NRG1: variants seen among roughly 807,000 people sequenced by gnomAD.
NRG1 encodes neuregulin 1, also known as pro-neuregulin-1, membrane-bound isoform.
NRG1 carries 18 observed loss-of-function variants against 63.8 expected under a neutral mutation model. That is an observed-to-expected ratio of 0.28 (90% CI 0.19 to 0.42). The LOEUF (loss-of-function observed/expected upper bound fraction) is 0.42. Ranked by LOEUF, NRG1 falls within the 10% of genes least tolerant of loss-of-function variation. The pLI is 1.00. For missense variants in NRG1, 762 were observed against 814.7 expected, an observed-to-expected ratio of 0.94 and a Z score of 0.79; for synonymous variants, 302 against 301.3, an observed-to-expected ratio of 1.00 and a Z score of -0.02.
intron 1 of NRG1, among the ~76,000 whole-genome samples, chr8:32,536,883 A>C (rs1361092807): frequency 4.2e-5 from 5 of 117,878 alleles, no homozygotes; most frequent in African/African-American, 6.6e-5. Flanking sequence ...GAGATGCGCC[A>C]CTGCCCTCCA....
At chr8:32,701,100 G>A (rs910122037) in intron 5 of NRG1, among the ~76,000 whole-genome samples, 1 of 152,200 alleles carries the variant, frequency 6.6e-6, no homozygotes, top group Non-Finnish European at 1.5e-5. Context: ...TCCAGAAGTC[G>A]GGTCCTGTTC....
At position 32,280,680 on chromosome 8, in the gene NRG1, G is replaced by GTTTTTT. The variant is rs1235833561; in HGVS notation, c.38-315143_38-315138dup. On this transcript the variant is annotated intron_variant, in intron 1 of 10. Coordinates refer to the NRG1 transcript ENST00000519301. ...GGTGTCTTTCATGCAACTGAATTAG[G>GTTTTTT]TTTTTTTTTTGTTTTTTTTTTTTTT... Among the ~76,000 whole-genome samples the GTTTTTT allele has an allele frequency of 7.1e-4, 38 of 53,748 alleles. 2 individuals carry two copies. The highest frequency in any genetic ancestry group is 1.6e-3 in the African/African-American group (23 of 14,376). 35.3% of individuals were successfully genotyped at this position (53,748 alleles called of 152,430 possible).
At position 32,754,317 on chromosome 8, in the gene NRG1, C is replaced by T. The variant is rs757783422; in HGVS notation, c.692-55C>T. On this transcript the variant is annotated intron_variant, in intron 7 of 11. Transcript: ENST00000356819. ...AGCATGCCCACTGTTTGGTTGTAGT[C>T]AGTCCTGGCAAGTGGAAGTGACCTG... 5.4e-6 allele frequency: 8 copies of T among 1,491,724 alleles called. No individual in the cohort carries two copies. The East Asian group carries it at 1.8e-4, about 34-fold the overall frequency. 92.4% of individuals were successfully genotyped at this position (1,491,724 alleles called of 1,614,324 possible). A position where few individuals can be genotyped will look rare whatever the true frequency, so the allele number is the denominator to read the frequency against.
At chr8:31,849,116 A>T (rs1043845014) in intron 1 of NRG1, among the ~76,000 whole-genome samples, 21 of 152,198 alleles carry the variant, frequency 1.4e-4, no homozygotes, top group Non-Finnish European at 5.9e-5. Flanking sequence ...AACCAGTGAT[A>T]ATCTATATGC....
At chr8:31,875,082 G>A (rs1305733936) in intron 1 of NRG1, among the ~76,000 whole-genome samples, 4 of 152,274 alleles carry the variant, frequency 2.6e-5, no homozygotes, top group Admixed American at 6.5e-5. Flanking sequence ...AAGTGATGCC[G>A]TTGAGGAAGC....
At chr8:32,007,729 A>G (rs1814013820) in intron 1 of NRG1, among the ~76,000 whole-genome samples, 1 of 152,048 alleles carries the variant, frequency 6.6e-6, no homozygotes, top group African/African-American at 2.4e-5. Context: ...AGTTTGAGAA[A>G]TAAAGTATAT....
chr8:32,601,613 C>T (rs1844377568), intron 2 of NRG1, among the ~76,000 whole-genome samples: 1 of 152,044 alleles, frequency 6.6e-6, no homozygotes, highest in Admixed American at 6.6e-5. Flanking sequence ...ATATTTCATT[C>T]ATAGTTGTCT....
intron 1 of NRG1, among the ~76,000 whole-genome samples, chr8:32,519,207 A>C (rs1434811924): frequency 6.6e-6 from 1 of 152,200 alleles, no homozygotes; most frequent in East Asian, 1.9e-4. Context: ...CTCTTTAAGA[A>C]AACTGGAAGA....
intron 1 of NRG1, among the ~76,000 whole-genome samples, chr8:31,938,985 A>G (rs1461471004): frequency 6.6e-6 from 1 of 152,216 alleles, no homozygotes; most frequent in African/African-American, 2.4e-5. Context: ...TTTGGAAAGC[A>G]TATTTGAGGG....
chr8:32,434,212 A>T (rs1432173365), intron 1 of NRG1, among the ~76,000 whole-genome samples: 2 of 151,894 alleles, frequency 1.3e-5, no homozygotes, highest in Admixed American at 1.3e-4. Flanking sequence ...AATAAAATAA[A>T]ATAAAAAACT....
chr8:32,526,652 TCTC>T (rs1201436538), intron 1 of NRG1, among the ~76,000 whole-genome samples: 1 of 152,062 alleles, frequency 6.6e-6, no homozygotes, highest in Admixed American at 6.5e-5. Flanking sequence ...ACAGTCCACT[TCTC>T]CTGTCAAGGT....
At chr8:32,343,238 G>A (rs974768938) in intron 1 of NRG1, among the ~76,000 whole-genome samples, 1 of 152,156 alleles carries the variant, frequency 6.6e-6, no homozygotes, top group Non-Finnish European at 1.5e-5. Context: ...TTAATATTTG[G>A]CTTAATATAT....
At chr8:32,670,943 T>G (rs1410360229) in intron 5 of NRG1, among the ~76,000 whole-genome samples, 4 of 152,104 alleles carry the variant, frequency 2.6e-5, no homozygotes, top group Non-Finnish European at 4.4e-5. Context: ...AAAATAATAT[T>G]AATAAAGTAA....
At chr8:32,064,217 A>T (rs1167642450) in intron 1 of NRG1, among the ~76,000 whole-genome samples, 2 of 152,180 alleles carry the variant, frequency 1.3e-5, no homozygotes, top group East Asian at 3.9e-4. Context: ...GCTAAGCTAG[A>T]TAGCCAAACA....
Position 32,095,237 on chromosome 8 carries a change from T to A in NRG1, c.37+455806T>A, listed in dbSNP as rs374052289. ...TTTCAGCATTTTTTGATGTCAGTTATGGGTTCATTGTTTTCAATATAAGAT... is the reference window on the plus strand; with the variant it reads ...TTTCAGCATTTTTTGATGTCAGTTAAGGGTTCATTGTTTTCAATATAAGAT... On this transcript the variant is annotated intron_variant, in intron 1 of 10. Coordinates refer to the NRG1 transcript ENST00000519301. 2.0e-5 allele frequency among the ~76,000 whole-genome samples: 3 copies of A among 152,290 alleles called. No individual in the cohort carries two copies. The East Asian group carries it at 5.8e-4, about 29-fold the overall frequency.
At chr8:32,033,943 T>G (rs1223184271) in intron 1 of NRG1, among the ~76,000 whole-genome samples, 1 of 152,186 alleles carries the variant, frequency 6.6e-6, no homozygotes, top group Non-Finnish European at 1.5e-5. Context: ...CACTTATTTC[T>G]TTCTCTTTGC....
rs78715493 is a variant in NRG1, at chr8:32,611,735, G to A, written c.401-2779G>A. Among the ~76,000 whole-genome samples, 534 of 152,024 alleles carry A rather than the reference G, an allele frequency of 3.5e-3. 3 individuals carry two copies. Among genetic ancestry groups the A allele is most frequent in the African/African-American group, 0.013 (520 of 41,518 alleles). On this transcript the variant is annotated intron_variant, in intron 3 of 11. Transcript: ENST00000356819. ...AAGAAATCACTTGATCAAAATTTTT[G>A]TATGTACAGCAGTGACATATAAGTT...
rs555082322 is a variant in NRG1, at chr8:32,138,005, G to A, written c.38-457823G>A. Among the ~76,000 whole-genome samples, 9 of 152,220 alleles carry A rather than the reference G, an allele frequency of 5.9e-5. No homozygotes were observed. The South Asian group carries it at 6.2e-4, about 11-fold the overall frequency. ...GCTGGGATCCTTTTGATGTTGAAGC[G>A]TCTTGGAGTAGACAATAGAGGATTT... On this transcript the variant is annotated intron_variant, in intron 1 of 10. Transcript: ENST00000519301.
chr8:31,713,168 G>A (rs1474015450), intron 1 of NRG1, among the ~76,000 whole-genome samples: 1 of 137,278 alleles, frequency 7.3e-6, no homozygotes, highest in Non-Finnish European at 1.5e-5. Context: ...CCAGGATGGA[G>A]TGCAGTGGTG....
Sources: allele counts gnomAD v4.1 joint callset (sites outside exome capture counted in the v4.1 genomes callset), GRCh38; gene constraint gnomAD v4.1.1; transcripts MANE v1.5; gene names NCBI Gene and HGNC (gene_info 2026-07-23, HGNC 2026-07-21).